Variants in ATP13A4 observed in about 807,000 individuals in gnomAD.
ATP13A4 encodes the protein probable cation-transporting ATPase 13A4.
In ATP13A4, 114 loss-of-function variants were observed where a neutral mutation model predicts 142.5. The observed-to-expected ratio is 0.80, with a 90% CI of 0.69 to 0.93. The LOEUF is 0.93. Among genes scored for constraint, ATP13A4 ranks in the 40% least tolerant of loss-of-function variants. The pLI is 0.00. For missense variants in ATP13A4, 1,392 were observed against 1,454.0 expected, an observed-to-expected ratio of 0.96 and a Z score of 0.69; for synonymous variants, 488 against 514.8, an observed-to-expected ratio of 0.95 and a Z score of 0.70.
intron 2 of ATP13A4, among the ~76,000 whole-genome samples, chr3:193,572,894 G>A (rs1308676210): frequency 6.6e-6 from 1 of 151,214 alleles, no homozygotes; most frequent in Non-Finnish European, 1.5e-5. Context: ...TTGGGAGGCT[G>A]AACTGGGCAG....
chr3:193,413,404 A>G (rs910320646), intron 26 of ATP13A4, among the ~76,000 whole-genome samples: 3 of 152,226 alleles, frequency 2.0e-5, no homozygotes, highest in African/African-American at 7.2e-5. Context: ...GAAAAAGAAC[A>G]GAATAACAGC....
At chr3:193,426,642 G>A (rs1715682725) in intron 25 of ATP13A4, among the ~76,000 whole-genome samples, 1 of 151,864 alleles carries the variant, frequency 6.6e-6, no homozygotes, top group African/African-American at 2.4e-5. Flanking sequence ...CTAACATGAG[G>A]AAATACATGT....
intron 17 of ATP13A4, among the ~76,000 whole-genome samples, 160 bp from the exon 18 acceptor site, chr3:193,448,490 C>A (rs538553559): frequency 2.0e-5 from 3 of 152,246 alleles, no homozygotes; most frequent in Admixed American, 2.0e-4. Context: ...TGCCCACCAC[C>A]ACGCCCGGCT....
In ATP13A4 at chr3:193,467,305, G is replaced by A. The variant is rs1718352215; in HGVS notation, c.1114+11C>T. The A allele has an allele frequency of 6.2e-7, 1 of 1,613,826 alleles. No homozygotes were observed. Among genetic ancestry groups the A allele is most frequent in the African/African-American group, 1.3e-5 (1 of 74,836 alleles). ...TACCATTAAAAATAAGAAAAAGGAG[G>A]GGATGCTAACCAGTCTGCAGTACCA... On this transcript the variant is annotated intron_variant, in intron 10 of 29. Transcript: ENST00000342695.
intron 1 of ATP13A4, among the ~76,000 whole-genome samples, chr3:193,537,859 G>A (rs907345424): frequency 4.6e-5 from 7 of 152,100 alleles, no homozygotes; most frequent in Admixed American, 1.3e-4. Flanking sequence ...TAAAGGTTAC[G>A]TCCTATATAA....
chr3:193,406,237 C>T (rs1203464837), intron 29 of ATP13A4, among the ~76,000 whole-genome samples: 1 of 152,166 alleles, frequency 6.6e-6, no homozygotes, highest in African/African-American at 2.4e-5. Flanking sequence ...AGTTCCAGTA[C>T]TGAAATTCTG....
chr3:193,418,106 A>G (rs1715189327), intron 25 of ATP13A4, among the ~76,000 whole-genome samples: 1 of 91,986 alleles, frequency 1.1e-5, no homozygotes, highest in Non-Finnish European at 2.0e-5. Context: ...TGGGCGACAG[A>G]GCGAGACTCC....
chr3:193,554,809 A>G lies in ATP13A4; in HGVS notation c.-10T>C. ...TCTCAAAGTGTCCCATGAAAAAGTT[A>G]TTCCACACCTCCTCCCTGACCTTGT... is the stretch of plus-strand genomic sequence containing the variant. On this transcript the variant is annotated 5_prime_UTR_variant, in exon 1 of 30. Transcript: ENST00000342695. The G allele has an allele frequency of 6.2e-7, 1 of 1,613,934 alleles. No homozygotes were observed. The highest frequency in any genetic ancestry group is 1.1e-5 in the South Asian group (1 of 91,064).
chr3:193,582,634 C>T (rs56401314), intron 1 of ATP13A4, among the ~76,000 whole-genome samples: 1,524 of 43,880 alleles, frequency 0.035, 67 homozygotes, highest in African/African-American at 0.049. Flanking sequence ...ATATTACATA[C>T]ATTATATATG....
At chr3:193,467,811 TG>T (rs1718390721) in intron 9 of ATP13A4, among the ~76,000 whole-genome samples, 1 of 151,926 alleles carries the variant, frequency 6.6e-6, no homozygotes, top group South Asian at 2.1e-4. Context: ...ATGTGGAGTG[TG>T]GAGAATAAAG....
intron 26 of ATP13A4, among the ~76,000 whole-genome samples, chr3:193,413,877 C>T (rs1356108909): frequency 6.6e-6 from 1 of 152,070 alleles, no homozygotes; most frequent in Non-Finnish European, 1.5e-5. Context: ...TTTGCTTTGC[C>T]CTTTGCCTTG....
chr3:193,576,247 ATCT>A (rs1560288264), intron 2 of ATP13A4, among the ~76,000 whole-genome samples: 4 of 107,336 alleles, frequency 3.7e-5, no homozygotes, highest in South Asian at 2.8e-4. Context: ...GCTTGAATCA[ATCT>A]TTTTTTTTTT....
At position 193,414,451 on chromosome 3, in the gene ATP13A4, G is replaced by T. The variant is rs940021397; in HGVS notation, c.3014+128C>A. On this transcript the variant is annotated intron_variant, in intron 26 of 29. Coordinates refer to ENST00000342695, the MANE Select transcript of ATP13A4 (RefSeq NM_032279.4). ...GAGAAGAAATAATCACTGAAAATTT[G>T]CCCAAGGGACTTTAAAAAGCCAAAA... The T allele has an allele frequency of 8.6e-6, 8 of 927,964 alleles. 1 individual carries two copies. The highest frequency in any genetic ancestry group is 8.3e-5 in the African/African-American group (5 of 60,532). 57.5% of individuals were successfully genotyped at this position (927,964 alleles called of 1,614,324 possible). A position where few individuals can be genotyped will look rare whatever the true frequency, so the allele number is the denominator to read the frequency against.
intron 8 of ATP13A4, among the ~76,000 whole-genome samples, chr3:193,475,817 T>C (rs1413378586): frequency 6.6e-6 from 1 of 152,058 alleles, no homozygotes; most frequent in Non-Finnish European, 1.5e-5. Context: ...ACATTTCTAA[T>C]GGGATGTTAC....
intron 1 of ATP13A4, among the ~76,000 whole-genome samples, chr3:193,523,854 C>T (rs752072424): frequency 2.6e-5 from 4 of 152,124 alleles, no homozygotes; most frequent in Non-Finnish European, 5.9e-5. Flanking sequence ...AGATCCATTA[C>T]GAATAGATGA....
chr3:193,483,935 C>T lies in ATP13A4; in HGVS notation c.808+1G>A. 6 of 1,585,804 alleles carry T rather than the reference C, an allele frequency of 3.8e-6. No homozygotes were observed. Among genetic ancestry groups the T allele is most frequent in the Non-Finnish European group, 5.2e-6 (6 of 1,154,468 alleles). ...TATAGATCTAAAATAATGGAACTTA[C>T]CTTTTCTCCCACATACAGAGACCGT... On this transcript the variant is annotated splice_donor_variant, in intron 8 of 29. Transcript: ENST00000342695. LOFTEE classifies it high-confidence loss of function.
At chr3:193,551,086 A>C (rs1431476742) in intron 1 of ATP13A4, among the ~76,000 whole-genome samples, 1 of 152,184 alleles carries the variant, frequency 6.6e-6, no homozygotes, top group Non-Finnish European at 1.5e-5. Flanking sequence ...GCTCCTCTCC[A>C]TTTATAAGTG....
chr3:193,530,624 G>A (rs896344015), intron 1 of ATP13A4, among the ~76,000 whole-genome samples: 1 of 152,152 alleles, frequency 6.6e-6, no homozygotes, highest in Non-Finnish European at 1.5e-5. Flanking sequence ...GAGCCAATGG[G>A]TTCAGTTCCA....
At chr3:193,541,995 GA>G (rs1339139071) in intron 1 of ATP13A4, among the ~76,000 whole-genome samples, 1 of 152,100 alleles carries the variant, frequency 6.6e-6, no homozygotes, top group African/African-American at 2.4e-5. Flanking sequence ...GCAAGAGAAA[GA>G]AATAAAGGGT....
Sources: allele counts gnomAD v4.1 joint callset (sites outside exome capture counted in the v4.1 genomes callset), GRCh38; gene constraint gnomAD v4.1.1; transcripts MANE v1.5; gene names NCBI Gene and HGNC (gene_info 2026-07-23, HGNC 2026-07-21).